Variants in GCC2 observed in about 807,000 individuals in gnomAD.
The protein encoded by GCC2 is GRIP and coiled-coil domain-containing protein 2.
A neutral mutation model predicts 210.6 loss-of-function variants in GCC2; 120 were observed. That is an observed-to-expected ratio of 0.57 (90% confidence interval 0.49 to 0.66). The LOEUF (loss-of-function observed/expected upper bound fraction) is 0.66, where lower values mean the gene tolerates loss of function less well. Ranked by LOEUF, GCC2 falls within the 30% of genes least tolerant of loss-of-function variation. GCC2 has a pLI of 0.00. For synonymous variants in GCC2, 703 were observed against 652.7 expected (o/e 1.08, Z -1.17); for missense variants, 1,868 against 1,871.9 (o/e 1.00, Z 0.04).
intron 12 of GCC2, among the ~76,000 whole-genome samples, chr2:108,483,717 CAT>C (rs1056399560): frequency 6.6e-5 from 10 of 152,136 alleles, no homozygotes; most frequent in African/African-American, 2.4e-4. Flanking sequence ...ATTTTGTATA[CAT>C]GATTGTTGTA....
intron 2 of GCC2, among the ~76,000 whole-genome samples, chr2:108,450,389 A>G (rs1196024406): frequency 6.6e-6 from 1 of 152,220 alleles, no homozygotes; most frequent in East Asian, 1.9e-4. Context: ...ATAGAATGAA[A>G]TAATTTTACA....
chr2:108,480,123 T>C (rs1011080033), intron 9 of GCC2, among the ~76,000 whole-genome samples: 3 of 152,178 alleles, frequency 2.0e-5, no homozygotes, highest in African/African-American at 4.8e-5. Flanking sequence ...CGTTTCTCTT[T>C]TATGCATAAT....
At chr2:108,473,239 G>A (rs2718705) in intron 7 of GCC2, 39,955 of 187,500 alleles carry the variant, frequency 0.21, 4,776 homozygotes, top group African/African-American at 0.32. Flanking sequence ...CATGTGCTCA[G>A]AGATCTCACT....
At chr2:108,467,950 T>C (rs937378357) in intron 4 of GCC2, among the ~76,000 whole-genome samples, 9 of 152,318 alleles carry the variant, frequency 5.9e-5, no homozygotes, top group African/African-American at 1.9e-4. Context: ...AATATAGTAT[T>C]ATGCTTCTTA....
Position 108,471,457 on chromosome 2 carries a change from G to T in GCC2, c.2128G>T (p.Val710Phe), listed in dbSNP as rs1558740890. Residue 710 changes from valine (V) to phenylalanine (F), a missense_variant, in exon 6 of 23, where the codon GTT (valine) becomes TTT (phenylalanine). Around this residue, in one of 3 missense-constraint regions of GCC2, gnomAD observed 1,847 missense variants for 1,765.2 expected, o/e 1.05. Coordinates refer to ENST00000309863, the MANE Select transcript of GCC2 (RefSeq NM_181453.4). Reference sequence around the variant, plus strand: ...AAAACAGTTGAGTAGGGATTTGGAGGTTTTTTTGTCTCAAAAAGAAGATGT... The same window carrying T: ...AAAACAGTTGAGTAGGGATTTGGAGTTTTTTTTGTCTCAAAAAGAAGATGT... The part of the protein sequence containing the change: ...EKKQLSRDLE[V>F]FLSQKEDVIL... 4.3e-6 allele frequency: 7 copies of T among 1,609,764 alleles called. No individual in the cohort carries two copies. The highest frequency in any genetic ancestry group is 1.3e-5 in the African/African-American group (1 of 74,594).
chr2:108,453,151 G>C (rs1481421394), intron 4 of GCC2, among the ~76,000 whole-genome samples: 1 of 152,186 alleles, frequency 6.6e-6, no homozygotes, highest in Admixed American at 6.5e-5. Context: ...TCTCACAGTT[G>C]TGTTTCCCTC....
chr2:108,449,414 A>G (rs1258980800), intron 1 of GCC2, 134 bp downstream of exon 1: 12 of 1,427,414 alleles, frequency 8.4e-6, no homozygotes, highest in African/African-American at 2.9e-5. Flanking sequence ...TCGCCTCCCC[A>G]TCTTTCGTAA....
At chr2:108,502,734 C>A (rs1214262435) in intron 22 of GCC2, among the ~76,000 whole-genome samples, 4 of 152,032 alleles carry the variant, frequency 2.6e-5, no homozygotes, top group South Asian at 4.2e-4. Flanking sequence ...ACCAGCCTGG[C>A]CAACATGGTG....
At chr2:108,472,740 A>C (rs2104455688) in intron 6 of GCC2, 87 bp from the exon 7 acceptor site, 1 of 772,112 alleles carries the variant, frequency 1.3e-6, no homozygotes, top group East Asian at 2.5e-5. Flanking sequence ...TCTTATGCTT[A>C]ACATGATGGC....
At chr2:108,451,175 T>G (rs1679924714) in intron 3 of GCC2, 63 bp downstream of exon 3, 1 of 1,009,216 alleles carries the variant, frequency 9.9e-7, no homozygotes, top group East Asian at 2.5e-5. Context: ...AAATGGTAGT[T>G]TTTAAAATAA....
Position 108,492,870 on chromosome 2 carries a change from A to G in GCC2, c.4447+80A>G, listed in dbSNP as rs371064978. Reference sequence around the variant, plus strand: ...TTAAATACATTCTTCACAAATTCATAAGAAAGAAAATTTACTAGGTGTCAC... The same window carrying G: ...TTAAATACATTCTTCACAAATTCATGAGAAAGAAAATTTACTAGGTGTCAC... On this transcript the variant is annotated intron_variant, in intron 19 of 22. Coordinates refer to ENST00000309863, the MANE Select transcript of GCC2 (RefSeq NM_181453.4). 6,296 of 770,984 alleles carry G rather than the reference A, an allele frequency of 8.2e-3. 32 individuals carry two copies. Among genetic ancestry groups the G allele is most frequent in the Middle Eastern group, 0.013 (48 of 3,738 alleles). The allele number at this position is 770,984 out of a possible 1,614,324, so 47.8% of individuals were successfully genotyped here.
rs1178652122 is a variant in GCC2, at chr2:108,452,441, C to T, written c.191C>T (p.Thr64Ile). ...EIEELRSKPV[T>I]EGTGDIIKAL... ...GAAGAACTCAGATCAAAACCTGTTA[C>T]TGAAGGAACTGGTGATATTATTAAG... The change falls in exon 4 of 23, where the codon ACT (threonine) becomes ATT (isoleucine). Residue 64 changes from threonine (T) to isoleucine (I), a missense_variant. By Grantham distance (89) the Thr-to-Ile change is moderately conservative (BLOSUM62 -1). Around this residue, in one of 3 missense-constraint regions of GCC2, gnomAD observed 1,847 missense variants for 1,765.2 expected, o/e 1.05. Transcript: ENST00000309863. The T allele has an allele frequency of 1.3e-6, 2 of 1,556,094 alleles. No homozygotes were observed. The highest frequency in any genetic ancestry group is 1.8e-6 in the Non-Finnish European group (2 of 1,128,174).
At chr2:108,484,433 A>G (rs1351120638) in intron 13 of GCC2, 122 bp downstream of exon 13, 4 of 583,534 alleles carry the variant, frequency 6.9e-6, no homozygotes, top group Admixed American at 7.2e-5. Context: ...TAACACAGTG[A>G]TAAATGTTAC....
chr2:108,452,687 CTTTCTT>C lies in GCC2; in HGVS notation c.216+225_216+230del, dbSNP rs1195818227. Among the ~76,000 whole-genome samples the C allele has an allele frequency of 7.3e-4, 90 of 122,980 alleles. 1 individual carries two copies. Among genetic ancestry groups the C allele is most frequent in the African/African-American group, 2.6e-3 (84 of 32,920 alleles). 80.7% of individuals were successfully genotyped at this position (122,980 alleles called of 152,430 possible). On this transcript the variant is annotated intron_variant, in intron 4 of 22. Coordinates refer to ENST00000309863, the MANE Select transcript of GCC2 (RefSeq NM_181453.4). ...TCTCTTCCCACGTATTTTCTTTTTT[CTTTCTT>C]TTTTTTTTTTTTTTTTTTTGAGATG...
At chr2:108,472,736 G>C (rs949208921) in intron 6 of GCC2, 91 bp from the exon 7 acceptor site, 90 of 752,424 alleles carry the variant, frequency 1.2e-4, no homozygotes, top group Middle Eastern at 9.4e-4. Flanking sequence ...ATTTTCTTAT[G>C]CTTAACATGA....
intron 19 of GCC2, chr2:108,493,442 A>G: frequency 1.0e-6 from 1 of 985,786 alleles, no homozygotes; most frequent in Non-Finnish European, 1.2e-6. Flanking sequence ...CTCCGTTGTT[A>G]GACATCAAAT....
At chr2:108,506,723 T>G (rs1241699642) in intron 22 of GCC2, among the ~76,000 whole-genome samples, 1 of 152,124 alleles carries the variant, frequency 6.6e-6, no homozygotes, top group Non-Finnish European at 1.5e-5. Flanking sequence ...TTAAAAGAAT[T>G]TTTTTTTAAA....
chr2:108,494,530 A>G (rs992932789), intron 19 of GCC2: 1 of 152,222 alleles, frequency 6.6e-6, no homozygotes, highest in Admixed American at 6.5e-5. Context: ...GTAAAGGTAT[A>G]AGGGCAGTGA....
chr2:108,468,828 T>C (rs967385839), intron 4 of GCC2, 152 bp from the exon 5 acceptor site: 36 of 539,608 alleles, frequency 6.7e-5, no homozygotes, highest in Admixed American at 6.5e-5. Flanking sequence ...TATCCTTATA[T>C]CTTTTCTCCT....
Sources: gnomAD v4.1 joint callset for allele counts (sites outside exome capture counted in the v4.1 genomes callset) on GRCh38, gnomAD v4.1.1 for gene constraint, gnomAD v4.1.1 regional missense constraint, MANE v1.5 for transcripts, NCBI Gene and HGNC (gene_info 2026-07-23, HGNC 2026-07-21) for gene names.